Variants in IFT122 observed in about 807,000 individuals in gnomAD.
The protein encoded by IFT122 is intraflagellar transport 122.
IFT122 carries 118 observed loss-of-function variants against 161.6 expected under a neutral mutation model. The observed-to-expected ratio is 0.73, with a 90% CI of 0.63 to 0.85. The LOEUF (loss-of-function observed/expected upper bound fraction) is 0.85. Among genes scored for constraint, IFT122 ranks in the 40% least tolerant of loss-of-function variants. IFT122 has a pLI of 0.00. For synonymous variants in IFT122, 550 were observed against 602.4 expected (o/e 0.91, Z 1.27); for missense variants, 1,381 against 1,579.6 (o/e 0.87, Z 2.13).
In IFT122 at chr3:129,504,319, G is replaced by C. The variant is rs1415902575; in HGVS notation, c.2548G>C (p.Ala850Pro). 1.2e-6 allele frequency: 2 copies of C among 1,612,648 alleles called. No individual in the cohort carries two copies. The highest frequency in any genetic ancestry group is 1.7e-6 in the Non-Finnish European group (2 of 1,178,926). ...LHVETQRWDE[A>P]FALGEKHPEF... The stretch of plus-strand genomic sequence containing the variant: ...AGACTTCATTTGCTCCTTCCCCCAG[G>C]CCTTTGCTTTGGGTGAGAAGCATCC... Residue 850 changes from alanine to proline, a missense_variant and splice_region_variant, in exon 21 of 30, where the codon GCC (alanine) becomes CCC (proline). Around this residue, in one of 7 missense-constraint regions of IFT122, gnomAD observed 496 missense variants for 502.5 expected, o/e 0.99. Transcript: ENST00000348417.
intron 27 of IFT122, 150 bp downstream of exon 27, chr3:129,517,744 A>C: frequency 9.2e-7 from 1 of 1,090,772 alleles, no homozygotes; most frequent in Non-Finnish European, 1.4e-6. Flanking sequence ...CCCACATGGG[A>C]CAGGGACAGG....
chr3:129,499,727 ACT>A (rs1452728144), intron 18 of IFT122, among the ~76,000 whole-genome samples, 173 bp from the exon 19 acceptor site: 1 of 151,638 alleles, frequency 6.6e-6, no homozygotes, highest in East Asian at 1.9e-4. Context: ...GCCTGAGATC[ACT>A]CTTCCCGAGA....
At chr3:129,517,072 G>GCACA (rs201556067) in intron 26 of IFT122, among the ~76,000 whole-genome samples, 1 of 88,722 alleles carries the variant, frequency 1.1e-5, no homozygotes, top group Non-Finnish European at 2.2e-5. Context: ...GACTGCCCCT[G>GCACA]CACACACACA....
intron 9 of IFT122, among the ~76,000 whole-genome samples, chr3:129,475,805 C>A (rs2077864100): frequency 6.6e-6 from 1 of 152,088 alleles, no homozygotes; most frequent in Non-Finnish European, 1.5e-5. Flanking sequence ...CAGAGTGAGA[C>A]CCCATCTTGA....
rs1214278638 is a variant in IFT122 at position 129,506,127 on chromosome 3, C to G, written c.2651-282C>G. ...AAGATGAGCAAGTTTCACTCTTAGACTTTGCCCTGGAATTTGGCCCCTCCA... is the reference window on the plus strand; with the variant it reads ...AAGATGAGCAAGTTTCACTCTTAGAGTTTGCCCTGGAATTTGGCCCCTCCA... On this transcript the variant is annotated intron_variant, in intron 21 of 29. Coordinates refer to ENST00000348417, the MANE Select transcript of IFT122 (RefSeq NM_052989.3). Among the ~76,000 whole-genome samples the G allele has an allele frequency of 2.6e-5, 4 of 152,204 alleles. No individual in the cohort carries two copies. In the East Asian group the frequency reaches 7.7e-4, roughly 29 times the overall value.
Position 129,483,395 on chromosome 3 carries a change from A to G in IFT122, c.1654-90A>G. On this transcript the variant is annotated intron_variant, in intron 14 of 29. Transcript: ENST00000348417. ...CACTGTAAGCAATTTAGTGGGATTC[A>G]GTCTTTAAGAGGGTATTGGGCTGAA... 3 of 1,062,316 alleles carry G rather than the reference A, an allele frequency of 2.8e-6. No homozygotes were observed. The South Asian group carries it at 3.8e-5, about 13-fold the overall frequency. 65.8% of individuals were successfully genotyped at this position (1,062,316 alleles called of 1,614,324 possible).
intron 14 of IFT122, among the ~76,000 whole-genome samples, chr3:129,482,450 C>T (rs1270248420): frequency 1.3e-5 from 2 of 152,186 alleles, no homozygotes; most frequent in Non-Finnish European, 2.9e-5. Flanking sequence ...CTGGTTTCCT[C>T]GGCCACTGCA....
intron 1 of IFT122, among the ~76,000 whole-genome samples, chr3:129,442,757 T>A (rs1019825766): frequency 1.3e-5 from 2 of 152,192 alleles, no homozygotes; most frequent in African/African-American, 4.8e-5. Flanking sequence ...CTACTTCTCA[T>A]AAACCTAGAG....
In IFT122 at chr3:129,506,429, CAGAG is replaced by C. The variant is rs765536866; in HGVS notation, c.2675_2678del (p.Arg892LysfsTer36). On this transcript the variant is annotated frameshift_variant, in exon 22 of 30. Coordinates refer to ENST00000348417, the MANE Select transcript of IFT122 (RefSeq NM_052989.3). LOFTEE classifies it high-confidence loss of function. ...TACAGCGTTCCACAAGGCTGGGCGA[CAGAG>C]AGAAGCGGTCCAGGTGCTGGAGCAG... 4.6e-5 allele frequency: 74 copies of C among 1,614,032 alleles called. No homozygotes were observed. The highest frequency in any genetic ancestry group is 4.5e-5 in the East Asian group (2 of 44,902).
At chr3:129,503,871 GC>G (rs2081905029) in intron 20 of IFT122, 1 of 256,738 alleles carries the variant, frequency 3.9e-6, no homozygotes, top group South Asian at 4.4e-5. Flanking sequence ...TGGTTCTGGG[GC>G]TTAGGTGAGA....
intron 18 of IFT122, among the ~76,000 whole-genome samples, chr3:129,499,364 C>T (rs1270310629): frequency 3.3e-5 from 5 of 152,232 alleles, no homozygotes; most frequent in Non-Finnish European, 7.3e-5. Flanking sequence ...CCGGCAAACA[C>T]TGTAAGTCAT....
chr3:129,442,411 T>C (rs2073333927), intron 1 of IFT122, among the ~76,000 whole-genome samples: 1 of 152,084 alleles, frequency 6.6e-6, no homozygotes, highest in Non-Finnish European at 1.5e-5. Flanking sequence ...GATGTATTCA[T>C]ACGTGAATGA....
chr3:129,492,796 C>G (rs796493840), intron 17 of IFT122, among the ~76,000 whole-genome samples: 8 of 148,552 alleles, frequency 5.4e-5, no homozygotes, highest in African/African-American at 2.0e-4. Context: ...GGGTGGTGGT[C>G]AACACTATGC....
rs1030774694 is a variant in IFT122 at position 129,478,056 on chromosome 3, C to T, written c.1188C>T (p.Ile396=). 6.2e-6 allele frequency: 10 copies of T among 1,614,176 alleles called. No individual in the cohort carries two copies. Among genetic ancestry groups the T allele is most frequent in the Admixed American group, 1.7e-5 (1 of 60,020 alleles). ...KCKELVKKIA[I]YRNRLAIQLP... ...AAGAGCTTGTCAAGAAGATTGCCAT[C>T]TACAGAAATCGATTGGCTATCCAAC... Residue 396 remains isoleucine (I), a synonymous_variant, in exon 12 of 30, where the codon ATC becomes ATT. Transcript: ENST00000348417.
At chr3:129,493,860 TGTA>T (rs746128672) in intron 17 of IFT122, among the ~76,000 whole-genome samples, 12 of 152,206 alleles carry the variant, frequency 7.9e-5, no homozygotes, top group Non-Finnish European at 1.3e-4. Context: ...GGGGTCAAAA[TGTA>T]GTCCTCTCCT....
intron 16 of IFT122, 69 bp from the exon 17 acceptor site, chr3:129,492,072 C>A: frequency 7.6e-6 from 9 of 1,179,404 alleles, no homozygotes; most frequent in Non-Finnish European, 1.1e-5. Flanking sequence ...TGACTTCCCA[C>A]CCCTAGCCAA....
intron 14 of IFT122, among the ~76,000 whole-genome samples, chr3:129,482,798 C>T (rs181665283): frequency 6.6e-6 from 1 of 152,330 alleles, no homozygotes; most frequent in Non-Finnish European, 1.5e-5. Flanking sequence ...TTGCCCCTTA[C>T]AGAATTGCTA....
chr3:129,496,752 T>G (rs1187284426), intron 18 of IFT122, among the ~76,000 whole-genome samples: 1 of 152,094 alleles, frequency 6.6e-6, no homozygotes, highest in Non-Finnish European at 1.5e-5. Flanking sequence ...GTGTTCAGGC[T>G]CCCTCTACTT....
Position 129,507,656 on chromosome 3 carries a change from T to A in IFT122, c.2792-12T>A. 6.2e-7 allele frequency: 1 copy of A among 1,612,654 alleles called. No individual in the cohort carries two copies. The highest frequency in any genetic ancestry group is 8.5e-7 in the Non-Finnish European group (1 of 1,178,656). ...TTGACACGTTTCCCCTCCCACCCGCTGCACACAGCAGATCCTGCCCAGAAG... is the reference window on the plus strand; with the variant it reads ...TTGACACGTTTCCCCTCCCACCCGCAGCACACAGCAGATCCTGCCCAGAAG... On this transcript the variant is annotated splice_polypyrimidine_tract_variant and intron_variant, in intron 22 of 29. Transcript: ENST00000348417.
Sources: allele counts gnomAD v4.1 joint callset (sites outside exome capture counted in the v4.1 genomes callset), GRCh38; gene constraint gnomAD v4.1.1; regional missense constraint gnomAD v4.1.1; transcripts MANE v1.5; gene names NCBI Gene and HGNC (gene_info 2026-07-23, HGNC 2026-07-21).